The following PEAK1 variants were observed in gnomAD, a reference collection of about 807,000 sequenced individuals.
PEAK1 encodes the protein inactive tyrosine-protein kinase PEAK1.
Under a neutral mutation model 124.7 loss-of-function variants are expected in PEAK1, and 54 were observed. That is an observed-to-expected ratio of 0.43 (90% CI 0.35 to 0.54). The LOEUF (loss-of-function observed/expected upper bound fraction) is 0.54, where lower values mean the gene tolerates loss of function less well. PEAK1 is among the 20% of genes least tolerant of loss of function. The probability of loss-of-function intolerance (pLI) is 0.01; values close to 1 mark genes in which losing one functional copy is unlikely to be tolerated. For synonymous variants in PEAK1, 719 were observed against 760.0 expected (o/e 0.95, Z 0.89); for missense variants, 2,046 against 2,134.5 (o/e 0.96, Z 0.82).
chr15:77,348,805 GGGGGC>G, intron 2 of PEAK1: 1 of 824,322 alleles, frequency 1.2e-6, no homozygotes, highest in Non-Finnish European at 1.5e-6. Context: ...TTGTGGGGGA[GGGGGC>G]GGGCAGGTGG....
rs756962695 is a variant in PEAK1 at position 77,180,301 on chromosome 15, T to A, written c.1626A>T (p.Arg542=). The change falls in exon 7 of 10, where the codon CGA becomes CGT. Residue 542 remains arginine, a synonymous_variant. Transcript: ENST00000682557. ...QEVWTSSTSP[R]QKIPKVELIT... The stretch of plus-strand genomic sequence containing the variant: ...TTAGTTCTACTTTAGGTATCTTTTG[T>A]CGTGGACTGGTGCTAGAAGTCCATA... 7 of 1,614,054 alleles carry A rather than the reference T, an allele frequency of 4.3e-6. No homozygotes were observed. The highest frequency in any genetic ancestry group is 5.9e-6 in the Non-Finnish European group (7 of 1,180,012).
intron 6 of PEAK1, among the ~76,000 whole-genome samples, chr15:77,246,719 TATTA>T (rs1469699386): frequency 6.6e-6 from 1 of 151,986 alleles, no homozygotes; most frequent in African/African-American, 2.4e-5. Context: ...AATGTCCAAT[TATTA>T]ATTGTGTATA....
intron 2 of PEAK1, among the ~76,000 whole-genome samples, chr15:77,302,769 TAAATA>T (rs1323292469): frequency 1.3e-5 from 2 of 150,728 alleles, no homozygotes; most frequent in Non-Finnish European, 2.9e-5. Context: ...TCTGACCTCC[TAAATA>T]AGTTTTCAAA....
chr15:77,116,922 C>T (rs909425868), intron 9 of PEAK1, among the ~76,000 whole-genome samples: 2 of 152,120 alleles, frequency 1.3e-5, no homozygotes, highest in African/African-American at 2.4e-5. Flanking sequence ...GGAAAGCTCT[C>T]GAAGTCTTAG....
intron 5 of PEAK1, among the ~76,000 whole-genome samples, chr15:77,258,066 T>C (rs886427296): frequency 6.6e-6 from 1 of 152,214 alleles, no homozygotes; most frequent in Non-Finnish European, 1.5e-5. Flanking sequence ...CTGAGGGCTC[T>C]GTTCTGTTCC....
chr15:77,394,366 C>T (rs997360465), intron 1 of PEAK1, among the ~76,000 whole-genome samples: 1 of 152,204 alleles, frequency 6.6e-6, no homozygotes, highest in African/African-American at 2.4e-5. Flanking sequence ...CAGCACAGTC[C>T]CAGTAATGGT....
At position 77,109,313 on chromosome 15, in the gene PEAK1, T is replaced by C. The variant is rs548275649; in HGVS notation, c.*4843A>G. ...AACTTTGTATCTGCCAGGGCTTTCTTCATCTTCATCATCATCATCATCTTC... is the reference window on the plus strand; with the variant it reads ...AACTTTGTATCTGCCAGGGCTTTCTCCATCTTCATCATCATCATCATCTTC... On this transcript the variant is annotated 3_prime_UTR_variant, in exon 10 of 10. Coordinates refer to ENST00000682557, the MANE Select transcript of PEAK1 (RefSeq NM_001385026.1). 6.6e-6 allele frequency: 1 copy of C among 152,230 alleles called. No individual in the cohort carries two copies. The highest frequency in any genetic ancestry group is 1.9e-4 in the East Asian group (1 of 5,178). The allele number at this position is 152,230 out of a possible 1,614,324, so 9.4% of individuals were successfully genotyped here.
chr15:77,229,010 T>C (rs2059794142), intron 6 of PEAK1, among the ~76,000 whole-genome samples: 1 of 152,086 alleles, frequency 6.6e-6, no homozygotes, highest in Non-Finnish European at 1.5e-5. Flanking sequence ...GTTTGGCCTT[T>C]TATTATCAGG....
In PEAK1 at chr15:77,180,852, T is replaced by C; in HGVS notation, c.1075A>G (p.Ser359Gly). Residue 359 changes from serine (S) to glycine (G), a missense_variant, in exon 7 of 10, where the codon AGT (serine) becomes GGT (glycine). Coordinates refer to ENST00000682557, the MANE Select transcript of PEAK1 (RefSeq NM_001385026.1). ...CCATTACAAATCTTCTGGGATAAAC[T>C]ACTGGCTGTCTCAGAACGTGATTCT... The part of the protein sequence containing the change: ...TEESRSETAS[S>G]LSQKICNGGL... 1.9e-6 allele frequency: 3 copies of C among 1,613,996 alleles called. No homozygotes were observed. Among genetic ancestry groups the C allele is most frequent in the Non-Finnish European group, 2.5e-6 (3 of 1,179,958 alleles).
chr15:77,312,096 C>T (rs1449520019), intron 2 of PEAK1, among the ~76,000 whole-genome samples: 2 of 151,818 alleles, frequency 1.3e-5, no homozygotes, highest in Non-Finnish European at 2.9e-5. Flanking sequence ...AAAATTTTTA[C>T]AAGGTAGGAA....
chr15:77,208,030 C>G (rs936634061), intron 6 of PEAK1, among the ~76,000 whole-genome samples: 1 of 152,072 alleles, frequency 6.6e-6, no homozygotes, highest in Non-Finnish European at 1.5e-5. Flanking sequence ...GGCTTTTCCC[C>G]AAGACTTTCA....
chr15:77,368,520 A>G (rs1451134314), intron 1 of PEAK1, among the ~76,000 whole-genome samples: 2 of 151,642 alleles, frequency 1.3e-5, no homozygotes, highest in Non-Finnish European at 3.0e-5. Context: ...GCCATCTCAA[A>G]AAAAAAAAAG....
intron 6 of PEAK1, among the ~76,000 whole-genome samples, chr15:77,245,712 A>T (rs2060552580): frequency 6.6e-6 from 1 of 152,202 alleles, no homozygotes; most frequent in African/African-American, 2.4e-5. Flanking sequence ...TCAAAAAAAA[A>T]AGTAAAAAGA....
chr15:77,105,317 GGTGTGTGTGTGTGTGTGTGTGTGT>G (rs67540842), downstream of PEAK1: 6 of 145,160 alleles, frequency 4.1e-5, no homozygotes, highest in South Asian at 1.1e-3. Context: ...GCCATTAGTT[GGTGTGTGTGTGTGTGTGTGTGTGT>G]GTGTGTGTGT....
At chr15:77,337,602 T>C (rs2066281660) in intron 2 of PEAK1, 1 of 985,276 alleles carries the variant, frequency 1.0e-6, no homozygotes, top group African/African-American at 1.7e-5. Flanking sequence ...CTCAGAGATA[T>C]GCTACAAAAC....
chr15:77,332,058 G>A (rs1015214746), intron 2 of PEAK1: 86 of 447,858 alleles, frequency 1.9e-4, no homozygotes, highest in African/African-American at 1.6e-3. Flanking sequence ...CCAACATGGC[G>A]AAACTGTCTC....
chr15:77,286,326 A>C, intron 3 of PEAK1, 97 bp downstream of exon 3: 1 of 647,132 alleles, frequency 1.5e-6, no homozygotes, highest in Non-Finnish European at 2.2e-6. Flanking sequence ...GCAAGGTTTA[A>C]AATTATTAGA....
At position 77,113,408 on chromosome 15, in the gene PEAK1, G is replaced by C. The variant is rs2051101064; in HGVS notation, c.*748C>G. The C allele has an allele frequency of 6.6e-6, 1 of 152,456 alleles. No homozygotes were observed. The highest frequency in any genetic ancestry group is 2.1e-4 in the South Asian group (1 of 4,834). The allele number at this position is 152,456 out of a possible 1,614,324, so 9.4% of individuals were successfully genotyped here. A position where few individuals can be genotyped will look rare whatever the true frequency, so the allele number is the denominator to read the frequency against. On this transcript the variant is annotated 3_prime_UTR_variant, in exon 10 of 10. Transcript: ENST00000682557. The stretch of plus-strand genomic sequence containing the variant: ...GGTGACACCACCTTGGGTCAGCTCT[G>C]TAATGGGCCACAAGTGGCTGATAAA...
intron 1 of PEAK1, among the ~76,000 whole-genome samples, chr15:77,377,470 T>G (rs944194140): frequency 6.6e-6 from 1 of 151,670 alleles, no homozygotes; most frequent in African/African-American, 2.4e-5. Flanking sequence ...TTTTTTTTTT[T>G]GAGATGGAGT....
Sources: gnomAD v4.1 joint callset for allele counts (sites outside exome capture counted in the v4.1 genomes callset) on GRCh38, gnomAD v4.1.1 for gene constraint, MANE v1.5 for transcripts, NCBI Gene and HGNC (gene_info 2026-07-23, HGNC 2026-07-21) for gene names.